The following CEP112 variants were observed in gnomAD, a reference collection of about 807,000 sequenced individuals.
CEP112 encodes centrosomal protein of 112 kDa.
CEP112 carries 127 observed loss-of-function variants against 153.0 expected under a neutral mutation model. The ratio of observed to expected loss-of-function variants is 0.83; its 90% CI spans 0.72 to 0.96. CEP112 has a LOEUF of 0.96. CEP112 is among the 40% of genes least tolerant of loss of function. The pLI is 0.00. For synonymous variants in CEP112, 358 were observed against 374.4 expected (o/e 0.96, Z 0.51); for missense variants, 1,089 against 1,101.2 (o/e 0.99, Z 0.16).
chr17:65,849,177 C>T (rs971044916), intron 21 of CEP112, among the ~76,000 whole-genome samples: 1 of 152,170 alleles, frequency 6.6e-6, no homozygotes, highest in Admixed American at 6.5e-5. Context: ...GTTTTGTTTG[C>T]TCTTGCTTTC....
In CEP112 at chr17:66,027,576, G is replaced by A. The variant is rs925881016; in HGVS notation, c.1597-16C>T. ...TTTCTTGATCCTGTGAATGATAAAT[G>A]TTTATATTTATTATACTTTAAATTA... On this transcript the variant is annotated splice_polypyrimidine_tract_variant and intron_variant, in intron 15 of 26. Transcript: ENST00000535342. 5.6e-6 allele frequency: 7 copies of A among 1,244,904 alleles called. No individual in the cohort carries two copies. The highest frequency in any genetic ancestry group is 7.5e-6 in the Non-Finnish European group (7 of 930,354). The allele number at this position is 1,244,904 out of a possible 1,614,324, so 77.1% of individuals were successfully genotyped here.
chr17:66,153,643 G>C (rs1487317873), intron 4 of CEP112, among the ~76,000 whole-genome samples: 1 of 152,134 alleles, frequency 6.6e-6, no homozygotes, highest in African/African-American at 2.4e-5. Context: ...AAACTGGTGA[G>C]CTAATCCTGA....
In CEP112 at chr17:66,053,770, A is replaced by G. The variant is rs2066553877; in HGVS notation, c.1184T>C (p.Met395Thr). The change falls in exon 12 of 27, where the codon ATG becomes ACG. Residue 395 changes from methionine to threonine, a missense_variant. Physicochemically the swap from Met to Thr is moderately conservative, Grantham distance 81. Transcript: ENST00000535342. ...TGTTTGCGCCATGTATTCACTCTCCATTTTATTCAGACGCACATTTGTATC... is the reference window on the plus strand; with the variant it reads ...TGTTTGCGCCATGTATTCACTCTCCGTTTTATTCAGACGCACATTTGTATC... ...LEDTNVRLNK[M>T]ESEYMAQTQS... 6.2e-7 allele frequency: 1 copy of G among 1,613,522 alleles called. No individual in the cohort carries two copies. The highest frequency in any genetic ancestry group is 8.5e-7 in the Non-Finnish European group (1 of 1,179,750).
intron 18 of CEP112, among the ~76,000 whole-genome samples, chr17:65,937,547 G>A (rs1451883339): frequency 2.2e-3 from 212 of 97,704 alleles, no homozygotes; most frequent in East Asian, 7.9e-3. Flanking sequence ...CCGGCCAGCC[G>A]CCCCGTCCGG....
At chr17:66,022,965 T>G (rs577177218) in intron 16 of CEP112, among the ~76,000 whole-genome samples, 1 of 151,974 alleles carries the variant, frequency 6.6e-6, no homozygotes, top group South Asian at 2.1e-4. Context: ...AAGAAAATTC[T>G]CAGAAATTGA....
intron 21 of CEP112, among the ~76,000 whole-genome samples, chr17:65,807,531 T>C (rs1030660644): frequency 5.9e-5 from 9 of 152,172 alleles, no homozygotes; most frequent in African/African-American, 1.7e-4. Flanking sequence ...CCTCCCACCA[T>C]AGGCCTGGAG....
At chr17:65,756,194 A>G (rs919079227) in intron 21 of CEP112, among the ~76,000 whole-genome samples, 1 of 152,134 alleles carries the variant, frequency 6.6e-6, no homozygotes, top group African/African-American at 2.4e-5. Context: ...ACCTGAGGTC[A>G]GGAGTTCGAG....
intron 12 of CEP112, among the ~76,000 whole-genome samples, chr17:66,031,522 A>C (rs1379409311): frequency 7.1e-6 from 1 of 141,618 alleles, no homozygotes. Flanking sequence ...CTCATAGCGC[A>C]ATCTTGGCTT....
chr17:66,065,104 T>G (rs1241179977), intron 10 of CEP112, among the ~76,000 whole-genome samples: 1 of 152,198 alleles, frequency 6.6e-6, no homozygotes, highest in African/African-American at 2.4e-5. Context: ...CTAGATCTTC[T>G]CATTCACTAA....
In CEP112 at chr17:65,637,327, GT is replaced by G. The variant is rs1209693589; in HGVS notation, c.2800-140del. 9 of 672,580 alleles carry G rather than the reference GT, an allele frequency of 1.3e-5. No individual in the cohort carries two copies. In the Admixed American group the frequency reaches 1.4e-4, roughly 11 times the overall value. 41.7% of individuals were successfully genotyped at this position (672,580 alleles called of 1,614,324 possible). ...AGGATTTGTTGAATGTCAATGTTGTGTTTTTTACATTTGGTCACATCCCATC... is the reference window on the plus strand; with the variant it reads ...AGGATTTGTTGAATGTCAATGTTGTGTTTTTACATTTGGTCACATCCCATC... On this transcript the variant is annotated intron_variant, in intron 25 of 26. Coordinates refer to ENST00000535342, the MANE Select transcript of CEP112 (RefSeq NM_001199165.4).
At chr17:66,127,003 T>C (rs2069880225) in intron 6 of CEP112, among the ~76,000 whole-genome samples, 1 of 152,200 alleles carries the variant, frequency 6.6e-6, no homozygotes, top group Non-Finnish European at 1.5e-5. Context: ...ACTTAAATTA[T>C]TCTATTTAAA....
Position 65,944,119 on chromosome 17 carries a change from A to G in CEP112, c.1873-16430T>C, listed in dbSNP as rs1407484741. ...AAACTAACACAGGAACAGAAAACCA[A>G]ACACTGCATGTTCTCACTTGTAAAT... On this transcript the variant is annotated intron_variant, in intron 18 of 26. Transcript: ENST00000535342. 2.6e-5 allele frequency among the ~76,000 whole-genome samples: 4 copies of G among 152,192 alleles called. No homozygotes were observed. The East Asian group carries it at 7.7e-4, about 29-fold the overall frequency.
At chr17:66,156,230 A>C (rs530064364) in intron 4 of CEP112, among the ~76,000 whole-genome samples, 1 of 152,320 alleles carries the variant, frequency 6.6e-6, no homozygotes, top group Non-Finnish European at 1.5e-5. Flanking sequence ...CACTGGCGAT[A>C]CCCAGGCAAA....
At chr17:65,918,412 A>T (rs544216871) in intron 19 of CEP112, among the ~76,000 whole-genome samples, 51 of 152,298 alleles carry the variant, frequency 3.3e-4, no homozygotes, top group African/African-American at 1.2e-3. Context: ...AGTTTTAAAT[A>T]ATGGCAGCTT....
Position 66,192,021 on chromosome 17 carries a change from C to A in CEP112, c.-33G>T. 1 of 154,370 alleles carries A rather than the reference C, an allele frequency of 6.5e-6. No homozygotes were observed. The highest frequency in any genetic ancestry group is 1.4e-5 in the Non-Finnish European group (1 of 69,074). The allele number at this position is 154,370 out of a possible 1,614,324, so 9.6% of individuals were successfully genotyped here. Reference sequence around the variant, plus strand: ...CCTGGCACCACCACACGCAAGCTTTCCGCTCGGCCGCTGCCGCCAACGCCG... The same window carrying A: ...CCTGGCACCACCACACGCAAGCTTTACGCTCGGCCGCTGCCGCCAACGCCG... On this transcript the variant is annotated 5_prime_UTR_variant, in exon 1 of 27. Transcript: ENST00000535342.
chr17:65,804,105 A>G (rs2055442334), intron 21 of CEP112, among the ~76,000 whole-genome samples: 1 of 152,190 alleles, frequency 6.6e-6, no homozygotes, highest in Admixed American at 6.5e-5. Flanking sequence ...AACTTTCAAT[A>G]ACCTCTCAGC....
chr17:65,719,307 G>A (rs2049732828), intron 23 of CEP112, among the ~76,000 whole-genome samples: 1 of 152,206 alleles, frequency 6.6e-6, no homozygotes, highest in African/African-American at 2.4e-5. Flanking sequence ...GGGCGCAGGG[G>A]CTCATGCCTG....
At chr17:65,810,535 T>C (rs191969285) in intron 21 of CEP112, among the ~76,000 whole-genome samples, 11 of 152,230 alleles carry the variant, frequency 7.2e-5, no homozygotes, top group Non-Finnish European at 1.5e-4. Context: ...CACATTAAAT[T>C]ATTGATAACT....
At chr17:65,716,463 C>T (rs1343456893) in intron 23 of CEP112, among the ~76,000 whole-genome samples, 1 of 151,868 alleles carries the variant, frequency 6.6e-6, no homozygotes, top group Non-Finnish European at 1.5e-5. Context: ...GCCCAGCCAG[C>T]CCTATGCTTT....
Sources: gnomAD v4.1 joint callset for allele counts (sites outside exome capture counted in the v4.1 genomes callset) on GRCh38, gnomAD v4.1.1 for gene constraint, MANE v1.5 for transcripts, NCBI Gene and HGNC (gene_info 2026-07-23, HGNC 2026-07-21) for gene names.